Variants in ERAP2 observed in about 807,000 individuals in gnomAD.
ERAP2 encodes the protein endoplasmic reticulum aminopeptidase 2.
ERAP2 carries 118 observed loss-of-function variants against 111.1 expected under a neutral mutation model. That is an observed-to-expected ratio of 1.06 (90% CI 0.92 to 1.24). The LOEUF (loss-of-function observed/expected upper bound fraction) is 1.24, where lower values mean the gene tolerates loss of function less well. ERAP2 is among the 50% of genes most tolerant of loss of function. The pLI is 0.00. For missense variants in ERAP2, 1,131 were observed against 1,125.8 expected, an observed-to-expected ratio of 1.00 and a Z score of -0.07; for synonymous variants, 410 against 401.2, an observed-to-expected ratio of 1.02 and a Z score of -0.26.
rs1442058491 is a variant in ERAP2, at chr5:96,900,209, C to T, written c.1572+20C>T. The T allele has an allele frequency of 3.1e-6, 5 of 1,613,100 alleles. No homozygotes were observed. The highest frequency in any genetic ancestry group is 4.2e-6 in the Non-Finnish European group (5 of 1,179,684). Reference sequence around the variant, plus strand: ...AACATGGTAAGGATAAAGAGAGTCACAGAGTAGAAGAGATCTGTGGAATAG... The same window carrying T: ...AACATGGTAAGGATAAAGAGAGTCATAGAGTAGAAGAGATCTGTGGAATAG... On this transcript the variant is annotated intron_variant, in intron 10 of 18. Coordinates refer to ENST00000437043, the MANE Select transcript of ERAP2 (RefSeq NM_022350.5).
chr5:96,906,279 G>A (rs913451088), intron 13 of ERAP2, among the ~76,000 whole-genome samples: 3 of 150,062 alleles, frequency 2.0e-5, no homozygotes, highest in African/African-American at 4.9e-5. Flanking sequence ...TTCTTCAAGG[G>A]CTTTGCTCTT....
chr5:96,918,434 C>G lies in ERAP2; in HGVS notation c.*829C>G, dbSNP rs1318314214. On this transcript the variant is annotated 3_prime_UTR_variant, in exon 19 of 19. Transcript: ENST00000437043. The stretch of plus-strand genomic sequence containing the variant: ...CCACCAAATCTCAGATTATTAGAAA[C>G]TAGGTGTCAGGGTTTATCAAGAAGG... 6.6e-6 allele frequency: 1 copy of G among 152,162 alleles called. No individual in the cohort carries two copies. The highest frequency in any genetic ancestry group is 2.4e-5 in the African/African-American group (1 of 41,440). 9.4% of individuals were successfully genotyped at this position (152,162 alleles called of 1,614,324 possible).
Position 96,909,576 on chromosome 5 carries a change from G to T in ERAP2, c.2170-4G>T. The T allele has an allele frequency of 6.2e-7, 1 of 1,612,290 alleles. No homozygotes were observed. The highest frequency in any genetic ancestry group is 1.6e-4 in the Middle Eastern group (1 of 6,062). ...CTCTGTTAACCATCTCATATTTTCT[G>T]CAGCGTTACCTTCTTCAGTATTTTA... On this transcript the variant is annotated splice_polypyrimidine_tract_variant and splice_region_variant and intron_variant, in intron 14 of 18. Coordinates refer to ENST00000437043, the MANE Select transcript of ERAP2 (RefSeq NM_022350.5).
chr5:96,901,365 A>C, intron 10 of ERAP2, 141 bp from the exon 11 acceptor site: 1 of 898,356 alleles, frequency 1.1e-6, no homozygotes, highest in Non-Finnish European at 1.7e-6. Context: ...AGTTGCCTGG[A>C]TTACCCTTCC....
Position 96,879,755 on chromosome 5 carries a change from T to G in ERAP2, c.70T>G (p.Cys24Gly), listed in dbSNP as rs781485106. The change falls in exon 2 of 19, where the codon TGC becomes GGC. Residue 24 changes from cysteine to glycine, a missense_variant. Cys to Gly is a radical substitution (Grantham distance 159). This residue lies in a region of ERAP2 where 847 missense variants were observed against 856.5 expected (regional missense o/e 0.99). Coordinates refer to ENST00000437043, the MANE Select transcript of ERAP2 (RefSeq NM_022350.5). ...PMFNIHRGFY[C>G]LTAILPQICI... is the part of the protein sequence containing the mutation. ...GTTTAACATTCACAGAGGATTTTAC[T>G]GCTTAACAGCCATCTTGCCCCAAAT... 4 of 1,614,112 alleles carry G rather than the reference T, an allele frequency of 2.5e-6. No homozygotes were observed. In the South Asian group the frequency reaches 3.3e-5, roughly 13 times the overall value.
At chr5:96,891,547 C>CATATATATGGTATAA (rs1784394548) in intron 5 of ERAP2, among the ~76,000 whole-genome samples, 1 of 138,500 alleles carries the variant, frequency 7.2e-6, no homozygotes, top group African/African-American at 2.8e-5. Context: ...CACACACACA[C>CATATATATGGTATAA]ACACACACAC....
At position 96,912,732 on chromosome 5, in the gene ERAP2, C is replaced by G. The variant is rs768395651; in HGVS notation, c.2450C>G (p.Ser817Ter). 1 of 1,602,684 alleles carries G rather than the reference C, an allele frequency of 6.2e-7. No homozygotes were observed. The highest frequency in any genetic ancestry group is 1.8e-5 in the Admixed American group (1 of 56,870). Residue 817 changes from serine to a stop codon, truncating the protein, a stop_gained, in exon 16 of 19, where the codon TCA becomes TGA. Transcript: ENST00000437043. LOFTEE classifies it high-confidence loss of function. ...YLLEQYELSM[S>*]SAEQNKILYA... is the part of the protein sequence containing the mutation. Reference sequence around the variant, plus strand: ...TTAGAGCAATATGAACTGTCAATGTCAAGTGCTGAACAAAACAAAATTCTG... The same window carrying G: ...TTAGAGCAATATGAACTGTCAATGTGAAGTGCTGAACAAAACAAAATTCTG...
intron 13 of ERAP2, among the ~76,000 whole-genome samples, chr5:96,904,223 T>C (rs2548530): frequency 0.62 from 94,822 of 152,016 alleles, 29,724 homozygotes; most frequent in South Asian, 0.73. Context: ...GTTTTCTTTC[T>C]TTTTCTATGT....
intron 3 of ERAP2, among the ~76,000 whole-genome samples, chr5:96,884,928 C>T (rs577376446): frequency 6.7e-6 from 1 of 149,844 alleles, no homozygotes; most frequent in Non-Finnish European, 1.5e-5. Flanking sequence ...GAGAAAACAG[C>T]TAAATCCTTG....
chr5:96,897,905 A>T (rs1404362476), intron 9 of ERAP2, among the ~76,000 whole-genome samples: 1 of 152,182 alleles, frequency 6.6e-6, no homozygotes, highest in Non-Finnish European at 1.5e-5. Context: ...CAGTTTAAAG[A>T]CACTTTCATG....
intron 16 of ERAP2, 57 bp downstream of exon 16, chr5:96,912,855 G>A: frequency 6.9e-7 from 1 of 1,453,296 alleles, no homozygotes; most frequent in Non-Finnish European, 9.3e-7. Context: ...ATTCAGTGAA[G>A]TCACTAAAAC....
intron 17 of ERAP2, 56 bp from the exon 18 acceptor site, chr5:96,915,632 A>G: frequency 5.8e-6 from 6 of 1,033,616 alleles, no homozygotes; most frequent in Non-Finnish European, 8.3e-6. Flanking sequence ...ACATGATATA[A>G]TAAACATAAG....
chr5:96,878,447 T>G (rs1203749836), intron 1 of ERAP2, among the ~76,000 whole-genome samples: 1 of 152,092 alleles, frequency 6.6e-6, no homozygotes, highest in Non-Finnish European at 1.5e-5. Flanking sequence ...AATATATATA[T>G]AGAATATTCT....
At chr5:96,891,674 A>G (rs1784412448) in intron 5 of ERAP2, among the ~76,000 whole-genome samples, 1 of 151,998 alleles carries the variant, frequency 6.6e-6, no homozygotes, top group Non-Finnish European at 1.5e-5. Context: ...CTTTCTTAAG[A>G]AGTAGAGGAA....
chr5:96,896,675 A>G (rs1352338845), intron 8 of ERAP2, 57 bp from the exon 9 acceptor site: 1 of 1,507,464 alleles, frequency 6.6e-7, no homozygotes, highest in African/African-American at 1.4e-5. Flanking sequence ...CTTTAAAAAC[A>G]TACCATACTA....
At chr5:96,917,094 A>G (rs1405171511) in intron 18 of ERAP2, among the ~76,000 whole-genome samples, 1 of 152,102 alleles carries the variant, frequency 6.6e-6, no homozygotes. Flanking sequence ...AAATTTTTGG[A>G]AGACGAAGTG....
intron 2 of ERAP2, among the ~76,000 whole-genome samples, 191 bp from the exon 3 acceptor site, chr5:96,883,601 A>G (rs1380217986): frequency 6.6e-6 from 1 of 152,218 alleles, no homozygotes; most frequent in African/African-American, 2.4e-5. Flanking sequence ...GGCATTGCTT[A>G]TGATTGATGG....
Position 96,902,364 on chromosome 5 carries a change from A to G in ERAP2, c.1828+11A>G. Reference sequence around the variant, plus strand: ...TAAAATCAAAGACAGGTAATGAACTAATTAGCCAAACAGGTATTTCAATGT... The same window carrying G: ...TAAAATCAAAGACAGGTAATGAACTGATTAGCCAAACAGGTATTTCAATGT... On this transcript the variant is annotated intron_variant, in intron 12 of 18. Transcript: ENST00000437043. 13 of 1,562,008 alleles carry G rather than the reference A, an allele frequency of 8.3e-6. No homozygotes were observed. Among genetic ancestry groups the G allele is most frequent in the Non-Finnish European group, 1.1e-5 (12 of 1,133,104 alleles).
chr5:96,878,227 T>TG (rs1172992005), intron 1 of ERAP2, among the ~76,000 whole-genome samples: 1 of 108,788 alleles, frequency 9.2e-6, no homozygotes, highest in African/African-American at 3.6e-5. Context: ...GAACCGAACC[T>TG]TAAAAAAATT....
Sources: gnomAD v4.1 joint callset for allele counts (sites outside exome capture counted in the v4.1 genomes callset) on GRCh38, gnomAD v4.1.1 for gene constraint, gnomAD v4.1.1 regional missense constraint, MANE v1.5 for transcripts, NCBI Gene and HGNC (gene_info 2026-07-23, HGNC 2026-07-21) for gene names.